Variants in ADCY9 observed in about 807,000 individuals in gnomAD.
The protein encoded by ADCY9 is adenylate cyclase 9, also known as adenylate cyclase type 9.
A neutral mutation model predicts 101.5 loss-of-function variants in ADCY9; 50 were observed. The observed-to-expected ratio is 0.49, with a 90% CI of 0.39 to 0.62. The LOEUF (loss-of-function observed/expected upper bound fraction) is 0.62. Ranked by LOEUF, ADCY9 falls within the 20% of genes least tolerant of loss-of-function variation. ADCY9 has a pLI of 0.00. For missense variants in ADCY9, 1,662 were observed against 1,800.4 expected (o/e 0.92, Z 1.39); for synonymous variants, 905 against 769.3 (o/e 1.18, Z -2.92).
chr16:4,094,651 G>C (rs943555864), intron 2 of ADCY9, among the ~76,000 whole-genome samples: 1 of 151,548 alleles, frequency 6.6e-6, no homozygotes, highest in South Asian at 2.1e-4. Flanking sequence ...AAAGGGAGAA[G>C]AAAGAAAAGG....
At chr16:4,042,877 T>C (rs1441085659) in intron 2 of ADCY9, among the ~76,000 whole-genome samples, 7 of 152,202 alleles carry the variant, frequency 4.6e-5, no homozygotes, top group South Asian at 4.1e-4. Context: ...ACTGTATGAT[T>C]TGGGCAAGTT....
chr16:4,044,932 C>T (rs529646656), intron 2 of ADCY9, among the ~76,000 whole-genome samples: 1 of 152,168 alleles, frequency 6.6e-6, no homozygotes, highest in Non-Finnish European at 1.5e-5. Flanking sequence ...CCGGCTCCCG[C>T]ACGTGACTGC....
chr16:4,029,838 C>A (rs2056542921), intron 2 of ADCY9, among the ~76,000 whole-genome samples: 1 of 152,184 alleles, frequency 6.6e-6, no homozygotes, highest in African/African-American at 2.4e-5. Context: ...TGAACAGGCA[C>A]TTCACTGAAG....
chr16:4,001,725 T>C (rs866452921), intron 3 of ADCY9, among the ~76,000 whole-genome samples: 3 of 146,342 alleles, frequency 2.0e-5, no homozygotes, highest in Non-Finnish European at 4.5e-5. Flanking sequence ...ACTTTTATAG[T>C]TTTTGTAGAG....
Position 3,966,856 on chromosome 16 carries a change from C to T in ADCY9, c.2981G>A (p.Trp994Ter). ...GACTTCAAATTCGCGATTCAGGAAC[C>T]AGACCAACAAGAGCAGGAGAAAGAA... Reference protein sequence around the residue: ...LVFFLLLLLVWFLNREFEVSY... With the variant: ...LVFFLLLLLV The change falls in exon 11 of 11, where the codon TGG becomes TAG. Residue 994 changes from tryptophan to a stop codon, truncating the protein, a stop_gained. Transcript: ENST00000294016. LOFTEE classifies it high-confidence loss of function. 1 of 1,614,176 alleles carries T rather than the reference C, an allele frequency of 6.2e-7. No individual in the cohort carries two copies. The highest frequency in any genetic ancestry group is 8.5e-7 in the Non-Finnish European group (1 of 1,180,038).
At position 4,063,091 on chromosome 16, in the gene ADCY9, G is replaced by A. The variant is rs569415127; in HGVS notation, c.1693+50659C>T. On this transcript the variant is annotated intron_variant, in intron 2 of 10. Transcript: ENST00000294016. ...ATCGCATTGTCTAGAATGAATCATG[G>A]GCTAGGTCATAAAACAAGTATCAAT... 1.5e-3 allele frequency among the ~76,000 whole-genome samples: 224 copies of A among 152,120 alleles called. 1 individual carries two copies. The highest frequency in any genetic ancestry group is 5.1e-3 in the African/African-American group (213 of 41,488).
At chr16:4,102,172 G>A (rs544841752) in intron 2 of ADCY9, among the ~76,000 whole-genome samples, 1 of 152,190 alleles carries the variant, frequency 6.6e-6, no homozygotes, top group Admixed American at 6.5e-5. Flanking sequence ...GTCCACCATC[G>A]AGTCACTATG....
intron 2 of ADCY9, among the ~76,000 whole-genome samples, chr16:4,045,771 T>G (rs1437744065): frequency 4.0e-5 from 6 of 151,234 alleles, no homozygotes; most frequent in Admixed American, 1.3e-4. Flanking sequence ...CGATCTTGGC[T>G]CACTGCAGCC....
At chr16:4,080,300 G>A (rs1276930779) in intron 2 of ADCY9, among the ~76,000 whole-genome samples, 1 of 152,038 alleles carries the variant, frequency 6.6e-6, no homozygotes, top group African/African-American at 2.4e-5. Context: ...CTCTAGTGCA[G>A]TGGCATGCTC....
chr16:4,007,618 C>A, intron 2 of ADCY9, 60 bp from the exon 3 acceptor site: 2 of 1,407,410 alleles, frequency 1.4e-6, no homozygotes, highest in Non-Finnish European at 1.9e-6. Context: ...TGAAACGCAG[C>A]TCCGTCTTGC....
intron 2 of ADCY9, among the ~76,000 whole-genome samples, chr16:4,028,814 T>C (rs547714324): frequency 1.3e-5 from 2 of 152,214 alleles, no homozygotes; most frequent in South Asian, 4.2e-4. Flanking sequence ...AGATGGAGTC[T>C]TGCTCTGTCA....
rs377503889 is a variant in ADCY9 at position 3,975,917 on chromosome 16, AAC to A, written c.2829-1209_2829-1208del. On this transcript the variant is annotated intron_variant, in intron 9 of 10. Coordinates refer to ENST00000294016, the MANE Select transcript of ADCY9 (RefSeq NM_001116.4). ...TACAAGGTATTACTGTATTTCCAAC[AAC>A]ACATTTAGTTGAAAAGGCTTAAAAT... 1.2e-4 allele frequency among the ~76,000 whole-genome samples: 18 copies of A among 152,342 alleles called. No homozygotes were observed. The East Asian group carries it at 2.5e-3, about 21-fold the overall frequency.
intron 4 of ADCY9, among the ~76,000 whole-genome samples, chr16:3,993,114 G>A (rs2056259041): frequency 6.6e-6 from 1 of 152,102 alleles, no homozygotes; most frequent in Admixed American, 6.6e-5. Context: ...CCAGCTTCCA[G>A]TACCACAAAT....
At chr16:4,053,338 T>C (rs1597194709) in intron 2 of ADCY9, among the ~76,000 whole-genome samples, 1 of 152,348 alleles carries the variant, frequency 6.6e-6, no homozygotes, top group East Asian at 1.9e-4. Context: ...AATGGAATCC[T>C]GGAGACAGTT....
intron 2 of ADCY9, among the ~76,000 whole-genome samples, chr16:4,039,814 G>A (rs1418291158): frequency 2.0e-5 from 3 of 152,040 alleles, no homozygotes; most frequent in Non-Finnish European, 4.4e-5. Flanking sequence ...CGAGGCAGGC[G>A]GATCGTTTGA....
intron 7 of ADCY9, 97 bp from the exon 8 acceptor site, chr16:3,979,372 T>C: frequency 1.4e-6 from 2 of 1,426,140 alleles, no homozygotes; most frequent in Non-Finnish European, 1.9e-6. Context: ...CGCCCTCTGC[T>C]CTCTCCCGTG....
At chr16:4,046,311 C>T (rs1294659917) in intron 2 of ADCY9, among the ~76,000 whole-genome samples, 1 of 152,172 alleles carries the variant, frequency 6.6e-6, no homozygotes, top group Admixed American at 6.5e-5. Context: ...ATAGCACATG[C>T]GCATTCCCCC....
At chr16:4,057,614 C>T (rs757936196) in intron 2 of ADCY9, among the ~76,000 whole-genome samples, 2 of 152,192 alleles carry the variant, frequency 1.3e-5, no homozygotes, top group African/African-American at 4.8e-5. Context: ...CAGTGGTTGA[C>T]GAATACCAAA....
chr16:4,032,511 A>AT (rs35449509), intron 2 of ADCY9, among the ~76,000 whole-genome samples: 66,710 of 140,430 alleles, frequency 0.48, 16,654 homozygotes, highest in Non-Finnish European at 0.57. Flanking sequence ...ATATCACACA[A>AT]TTTTTTTTTT....
Sources: gnomAD v4.1 joint callset for allele counts (sites outside exome capture counted in the v4.1 genomes callset) on GRCh38, gnomAD v4.1.1 for gene constraint, MANE v1.5 for transcripts, NCBI Gene and HGNC (gene_info 2026-07-23, HGNC 2026-07-21) for gene names.